ZNF148: variants seen among roughly 807,000 people sequenced by gnomAD.
ZNF148 encodes Beta-Enolase Repressor Factor-1.
ZNF148 carries 7 observed loss-of-function variants against 67.7 expected under a neutral mutation model. The ratio of observed to expected loss-of-function variants is 0.10; its 90% CI spans 0.06 to 0.19. The LOEUF (loss-of-function observed/expected upper bound fraction) is 0.19. ZNF148 is among the 10% of genes least tolerant of loss of function. The probability of loss-of-function intolerance (pLI) is 1.00; values close to 1 mark genes in which losing one functional copy is unlikely to be tolerated. For missense variants in ZNF148, 583 were observed against 947.1 expected (o/e 0.62, Z 5.05); for synonymous variants, 333 against 330.7 (o/e 1.01, Z -0.08).
intron 7 of ZNF148, among the ~76,000 whole-genome samples, 170 bp downstream of exon 7, chr3:125,277,556 G>T (rs981259913): frequency 1.3e-5 from 2 of 152,134 alleles, no homozygotes; most frequent in African/African-American, 4.8e-5. Context: ...GGACATTAAA[G>T]TTAAGTCTTA....
At chr3:125,356,045 T>C (rs753709257) in intron 1 of ZNF148, among the ~76,000 whole-genome samples, 17 of 152,260 alleles carry the variant, frequency 1.1e-4, no homozygotes, top group African/African-American at 3.6e-4. Flanking sequence ...ATGAAAAATA[T>C]ATCTTCCCCC....
chr3:125,302,888 T>C (rs1410765924), intron 4 of ZNF148, among the ~76,000 whole-genome samples: 1 of 152,354 alleles, frequency 6.6e-6, no homozygotes, highest in African/African-American at 2.4e-5. Context: ...TGAATACCTA[T>C]ATTCACAGAA....
At chr3:125,342,130 T>TA (rs556477550) in intron 1 of ZNF148, among the ~76,000 whole-genome samples, 106,973 of 147,046 alleles carry the variant, frequency 0.73, 38,889 homozygotes, top group Middle Eastern at 0.8. Flanking sequence ...TACAGGGCAA[T>TA]AAAAAAAAAA....
intron 7 of ZNF148, among the ~76,000 whole-genome samples, chr3:125,253,542 A>C (rs928732961): frequency 6.6e-6 from 1 of 152,136 alleles, no homozygotes; most frequent in Non-Finnish European, 1.5e-5. Flanking sequence ...TTAGTATTTC[A>C]CCATTAAATA....
chr3:125,368,020 T>C (rs1579919058), intron 1 of ZNF148, among the ~76,000 whole-genome samples: 1 of 152,324 alleles, frequency 6.6e-6, no homozygotes, highest in East Asian at 1.9e-4. Context: ...AAGAGGAATT[T>C]GGAGTCATTT....
chr3:125,274,827 T>C (rs1020321455), intron 7 of ZNF148, among the ~76,000 whole-genome samples: 6 of 152,192 alleles, frequency 3.9e-5, no homozygotes, highest in African/African-American at 1.4e-4. Flanking sequence ...AGGTGACTCA[T>C]TACTCATTTG....
intron 3 of ZNF148, among the ~76,000 whole-genome samples, chr3:125,321,662 GGA>G (rs1559754958): frequency 6.6e-6 from 1 of 151,984 alleles, no homozygotes; most frequent in African/African-American, 2.4e-5. Flanking sequence ...ATCTTAACAA[GGA>G]GAGGGGGAGG....
At chr3:125,276,791 GA>G in intron 7 of ZNF148, among the ~76,000 whole-genome samples, 2 of 151,850 alleles carry the variant, frequency 1.3e-5, no homozygotes, top group African/African-American at 4.8e-5. Flanking sequence ...TGGGGGCAAA[GA>G]AAATTGAAAA....
intron 7 of ZNF148, among the ~76,000 whole-genome samples, chr3:125,261,692 A>G (rs1937347743): frequency 6.6e-6 from 1 of 152,124 alleles, no homozygotes. Flanking sequence ...AGTCACAGGA[A>G]GACTAAAGCT....
Position 125,287,202 on chromosome 3 carries a change from T to C in ZNF148, c.459+901A>G, listed in dbSNP as rs539905763. ...TCAAAAAAATCATATTACAGTATGATCTTTTTAAAAAGGACTTTCTCACCA... is the reference window on the plus strand; with the variant it reads ...TCAAAAAAATCATATTACAGTATGACCTTTTTAAAAAGGACTTTCTCACCA... On this transcript the variant is annotated intron_variant, in intron 5 of 8. Transcript: ENST00000360647. 5.3e-5 allele frequency among the ~76,000 whole-genome samples: 8 copies of C among 152,284 alleles called. No individual in the cohort carries two copies. The South Asian group carries it at 1.0e-3, about 20-fold the overall frequency.
At chr3:125,302,427 C>T (rs1939643792) in intron 4 of ZNF148, among the ~76,000 whole-genome samples, 1 of 151,256 alleles carries the variant, frequency 6.6e-6, no homozygotes, top group Admixed American at 6.6e-5. Flanking sequence ...ATTAATGAAA[C>T]CCAGACCTGC....
rs373769152 is a variant in ZNF148, at chr3:125,374,864, C to T, written c.-234+238G>A. On this transcript the variant is annotated intron_variant, in intron 1 of 8. Transcript: ENST00000360647. Reference sequence around the variant, plus strand: ...GAGGCCGCCTTCTCGCCTCCGCCACCCCCGTCATTATCCCTCCTCAACCCC... The same window carrying T: ...GAGGCCGCCTTCTCGCCTCCGCCACTCCCGTCATTATCCCTCCTCAACCCC... 4.6e-5 allele frequency among the ~76,000 whole-genome samples: 7 copies of T among 152,126 alleles called. No individual in the cohort carries two copies. In the East Asian group the frequency reaches 1.4e-3, roughly 30 times the overall value.
chr3:125,374,212 C>CAG (rs1251315039), intron 1 of ZNF148, among the ~76,000 whole-genome samples: 1 of 152,138 alleles, frequency 6.6e-6, no homozygotes, highest in Non-Finnish European at 1.5e-5. Context: ...AACCACGGCC[C>CAG]AGACCCACAC....
intron 2 of ZNF148, among the ~76,000 whole-genome samples, chr3:125,326,684 T>C (rs1941032894): frequency 6.8e-6 from 1 of 147,954 alleles, no homozygotes; most frequent in South Asian, 2.1e-4. Context: ...TATATATATA[T>C]ACTTGCTTTA....
intron 7 of ZNF148, among the ~76,000 whole-genome samples, chr3:125,234,882 A>G (rs974798037): frequency 6.6e-6 from 1 of 152,150 alleles, no homozygotes; most frequent in Non-Finnish European, 1.5e-5. Context: ...TTCCCATATC[A>G]TTTAGGGAAT....
chr3:125,361,383 A>G (rs1040261800), intron 1 of ZNF148, among the ~76,000 whole-genome samples: 1 of 151,992 alleles, frequency 6.6e-6, no homozygotes, highest in East Asian at 1.9e-4. Flanking sequence ...CCCCTACCCA[A>G]TAACTTCAAT....
rs555853730 is a variant in ZNF148 at position 125,308,527 on chromosome 3, A to T, written c.333+4781T>A. Among the ~76,000 whole-genome samples the T allele has an allele frequency of 1.8e-3, 118 of 64,528 alleles. 2 individuals are homozygous for T. The highest frequency in any genetic ancestry group is 3.6e-3 in the South Asian group (9 of 2,502). The allele number at this position is 64,528 out of a possible 152,430, so 42.3% of individuals were successfully genotyped here. A position where few individuals can be genotyped will look rare whatever the true frequency, so the allele number is the denominator to read the frequency against. ...AATCAGAATCAGTTGACTTTTCTAT[A>T]AAAAAAAAAAAAACAAAAACCTAAA... On this transcript the variant is annotated intron_variant, in intron 4 of 8. Coordinates refer to ENST00000360647, the MANE Select transcript of ZNF148 (RefSeq NM_021964.3).
chr3:125,369,939 C>T (rs2107798709), intron 1 of ZNF148, among the ~76,000 whole-genome samples: 1 of 151,430 alleles, frequency 6.6e-6, no homozygotes, highest in African/African-American at 2.4e-5. Flanking sequence ...GCTGAGATCG[C>T]ACCACTGCTC....
intron 7 of ZNF148, among the ~76,000 whole-genome samples, chr3:125,238,386 G>C (rs1354164733): frequency 6.6e-6 from 1 of 152,142 alleles, no homozygotes; most frequent in African/African-American, 2.4e-5. Context: ...TCAACACTTT[G>C]GGAGGCAGAG....
Sources: allele counts gnomAD v4.1 joint callset (sites outside exome capture counted in the v4.1 genomes callset), GRCh38; gene constraint gnomAD v4.1.1; transcripts MANE v1.5; gene names NCBI Gene and HGNC (gene_info 2026-07-23, HGNC 2026-07-21).